COMMD1: variants seen among roughly 807,000 people sequenced by gnomAD.
COMMD1 encodes copper metabolism domain containing 1, also known as COMM domain-containing protein 1.
A neutral mutation model predicts 17.2 loss-of-function variants in COMMD1; 10 were observed. That is an observed-to-expected ratio of 0.58 (90% CI 0.36 to 0.99). COMMD1 has a LOEUF of 0.99. Ranked by LOEUF, COMMD1 falls within the 50% of genes least tolerant of loss-of-function variation. The pLI is 0.01. For missense variants in COMMD1, 270 were observed against 231.8 expected, an observed-to-expected ratio of 1.17 and a Z score of -1.07; for synonymous variants, 97 against 91.6, an observed-to-expected ratio of 1.06 and a Z score of -0.34.
At chr2:61,914,031 G>A (rs193288274) in intron 1 of COMMD1, among the ~76,000 whole-genome samples, 22 of 151,948 alleles carry the variant, frequency 1.4e-4, no homozygotes, top group African/African-American at 3.9e-4. Flanking sequence ...AATTAGCCAC[G>A]TGTGGTGGTG....
chr2:61,910,380 T>A (rs1270989109), intron 1 of COMMD1, among the ~76,000 whole-genome samples: 24 of 151,836 alleles, frequency 1.6e-4, no homozygotes. Flanking sequence ...CCTGAGTAGC[T>A]GGGATTACAG....
chr2:61,924,672 G>A (rs945561222), intron 1 of COMMD1, among the ~76,000 whole-genome samples: 1 of 152,138 alleles, frequency 6.6e-6, no homozygotes, highest in African/African-American at 2.4e-5. Context: ...TTCCTATTGC[G>A]ATGGCAAAAG....
intron 2 of COMMD1, among the ~76,000 whole-genome samples, chr2:62,050,720 C>T (rs1180797413): frequency 6.6e-6 from 1 of 152,190 alleles, no homozygotes; most frequent in South Asian, 2.1e-4. Flanking sequence ...ATATATTTCT[C>T]ATCACTGGGA....
intron 1 of COMMD1, among the ~76,000 whole-genome samples, chr2:61,989,675 C>T (rs766773494): frequency 6.6e-6 from 1 of 151,928 alleles, no homozygotes; most frequent in Non-Finnish European, 1.5e-5. Flanking sequence ...TGTTGGCCAG[C>T]AGGTCTCGAA....
intron 2 of COMMD1, among the ~76,000 whole-genome samples, chr2:62,122,865 G>T (rs1035732541): frequency 6.6e-6 from 1 of 152,236 alleles, no homozygotes; most frequent in African/African-American, 2.4e-5. Context: ...TGAGTGGATA[G>T]TGTTTTTAGA....
intron 1 of COMMD1, among the ~76,000 whole-genome samples, chr2:61,917,878 G>A (rs1192361957): frequency 6.6e-6 from 1 of 152,178 alleles, no homozygotes; most frequent in Non-Finnish European, 1.5e-5. Flanking sequence ...GTTAACTTGA[G>A]TATAAAATAA....
intron 2 of COMMD1, among the ~76,000 whole-genome samples, chr2:62,102,296 T>C (rs1672206082): frequency 6.6e-6 from 1 of 152,212 alleles, no homozygotes; most frequent in Non-Finnish European, 1.5e-5. Flanking sequence ...ATTTTTGTAC[T>C]TTTGATATTC....
upstream of COMMD1, chr2:61,905,576 C>A (rs771882135): frequency 1.6e-6 from 2 of 1,214,424 alleles, no homozygotes; most frequent in Non-Finnish European, 1.1e-6. Context: ...CCTCCAGGTT[C>A]CCCGAGGTTC....
chr2:62,043,491 A>G (rs557293853), intron 2 of COMMD1, among the ~76,000 whole-genome samples: 13 of 152,254 alleles, frequency 8.5e-5, no homozygotes, highest in African/African-American at 2.6e-4. Flanking sequence ...TCCTTTTTGC[A>G]TCACAGGTGC....
At chr2:61,955,258 G>C (rs1387290565) in intron 1 of COMMD1, among the ~76,000 whole-genome samples, 2 of 151,882 alleles carry the variant, frequency 1.3e-5, no homozygotes, top group Non-Finnish European at 2.9e-5. Context: ...GAAGGCTGAG[G>C]CAGGAGGATT....
chr2:62,128,009 G>A lies in COMMD1; in HGVS notation c.463-7822G>A, dbSNP rs1289314130. On this transcript the variant is annotated intron_variant, in intron 2 of 2. Transcript: ENST00000311832. Reference sequence around the variant, plus strand: ...TGCACTTCAGCCTGGGAGACAGAGCGAGACTCTATCTCAAAAAAAAAAAAA... The same window carrying A: ...TGCACTTCAGCCTGGGAGACAGAGCAAGACTCTATCTCAAAAAAAAAAAAA... 5.2e-5 allele frequency among the ~76,000 whole-genome samples: 7 copies of A among 133,998 alleles called. No homozygotes were observed. The East Asian group carries it at 6.4e-4, about 12-fold the overall frequency. The allele number at this position is 133,998 out of a possible 152,430, so 87.9% of individuals were successfully genotyped here. A position where few individuals can be genotyped will look rare whatever the true frequency, so the allele number is the denominator to read the frequency against.
At position 61,994,098 on chromosome 2, in the gene COMMD1, T is replaced by A. The variant is rs144555125; in HGVS notation, c.181-6603T>A. On this transcript the variant is annotated intron_variant, in intron 1 of 2. Coordinates refer to ENST00000311832, the MANE Select transcript of COMMD1 (RefSeq NM_152516.4). ...GCCTCCCGGGTTCAAGCGATTCTCC[T>A]GCATCGGCCTCTCGAGTAGGTGGGA... Among the ~76,000 whole-genome samples the A allele has an allele frequency of 6.9e-3, 1,050 of 152,246 alleles. 8 individuals carry two copies. The highest frequency in any genetic ancestry group is 9.6e-3 in the Non-Finnish European group (656 of 68,000).
intron 2 of COMMD1, among the ~76,000 whole-genome samples, chr2:62,033,898 C>G (rs1282926561): frequency 6.6e-6 from 1 of 151,802 alleles, no homozygotes; most frequent in Non-Finnish European, 1.5e-5. Context: ...CTGCTTGAGG[C>G]CAGGAGTTCA....
intron 2 of COMMD1, among the ~76,000 whole-genome samples, chr2:62,053,285 A>C (rs1670590886): frequency 1.3e-5 from 2 of 152,132 alleles, no homozygotes; most frequent in South Asian, 4.1e-4. Flanking sequence ...AAGACCAACT[A>C]ATAGGAAATA....
intron 2 of COMMD1, among the ~76,000 whole-genome samples, chr2:62,080,897 AT>A (rs1243187631): frequency 6.6e-6 from 1 of 151,566 alleles, no homozygotes; most frequent in Non-Finnish European, 1.5e-5. Flanking sequence ...CAAATATAAC[AT>A]TGTTTCTTTT....
chr2:61,980,973 C>CT (rs1039890825), intron 1 of COMMD1, among the ~76,000 whole-genome samples: 5 of 151,986 alleles, frequency 3.3e-5, no homozygotes, highest in African/African-American at 1.2e-4. Flanking sequence ...GTCTGTTCAG[C>CT]TTTTTTTGCC....
chr2:62,012,800 T>G (rs1669322954), intron 2 of COMMD1, among the ~76,000 whole-genome samples: 1 of 152,164 alleles, frequency 6.6e-6, no homozygotes, highest in Non-Finnish European at 1.5e-5. Context: ...AGCATCACTA[T>G]ATGTCAGACT....
At position 61,929,708 on chromosome 2, in the gene COMMD1, G is replaced by T. The variant is rs1335282023; in HGVS notation, c.180+23850G>T. On this transcript the variant is annotated intron_variant, in intron 1 of 2. Transcript: ENST00000311832. ...GCACTTTGGGAGCCCAAGGCAGGAG[G>T]ATCACTTGAGCCCAGGAGTTCAAGA... Among the ~76,000 whole-genome samples, 4 of 152,156 alleles carry T rather than the reference G, an allele frequency of 2.6e-5. No individual in the cohort carries two copies. In the East Asian group the frequency reaches 7.7e-4, roughly 29 times the overall value.
chr2:61,986,715 A>C (rs998178136), intron 1 of COMMD1, among the ~76,000 whole-genome samples: 7 of 151,306 alleles, frequency 4.6e-5, no homozygotes, highest in African/African-American at 1.5e-4. Context: ...ACTGCAGGCA[A>C]GCGCCACCAT....
Sources: allele counts gnomAD v4.1 joint callset (sites outside exome capture counted in the v4.1 genomes callset), GRCh38; gene constraint gnomAD v4.1.1; transcripts MANE v1.5; gene names NCBI Gene and HGNC (gene_info 2026-07-23, HGNC 2026-07-21).